Variants in ADORA2B observed in about 807,000 individuals in gnomAD.
ADORA2B encodes adenosine receptor A2b.
In ADORA2B, 18 loss-of-function variants were observed where a neutral mutation model predicts 20.8. The ratio of observed to expected loss-of-function variants is 0.87; its 90% CI spans 0.60 to 1.29. ADORA2B has a LOEUF of 1.29. Ranked by LOEUF, ADORA2B falls within the 50% of genes most tolerant of loss-of-function variation. The pLI, the probability that ADORA2B is intolerant of heterozygous loss-of-function variation, is 0.00. For synonymous variants in ADORA2B, 179 were observed against 178.3 expected (o/e 1.00, Z -0.03); for missense variants, 441 against 422.7 (o/e 1.04, Z -0.38).
the ADORA2B span, among the ~76,000 whole-genome samples, chr17:15,855,748 G>A: frequency 6.6e-6 from 1 of 152,018 alleles, no homozygotes; most frequent in African/African-American, 2.4e-5. Context: ...GTTACAATGG[G>A]TATATTGTGG....
intron 1 of ADORA2B, among the ~76,000 whole-genome samples, chr17:15,961,722 C>G (rs559893536): frequency 3.0e-4 from 45 of 152,328 alleles, no homozygotes; most frequent in African/African-American, 1.0e-3. Context: ...GCTGCATCAT[C>G]CCATGGCAGA....
At chr17:15,855,067 T>A in the ADORA2B span, among the ~76,000 whole-genome samples, 2 of 151,792 alleles carry the variant, frequency 1.3e-5, no homozygotes, top group Admixed American at 1.3e-4. Flanking sequence ...GTAGCTGGGA[T>A]TACAGGTCTG....
the ADORA2B span, among the ~76,000 whole-genome samples, chr17:15,865,382 C>T: frequency 4.0e-5 from 6 of 151,474 alleles, no homozygotes; most frequent in Admixed American, 2.6e-4. Context: ...CTGCCTCGAC[C>T]TCCGGAGTAG....
chr17:15,959,568 T>C (rs1239756931), intron 1 of ADORA2B, among the ~76,000 whole-genome samples: 2 of 148,690 alleles, frequency 1.3e-5, no homozygotes, highest in African/African-American at 5.0e-5. Flanking sequence ...TGGCGCGATC[T>C]GAGCTCACGG....
chr17:15,923,575 T>A, the ADORA2B span, among the ~76,000 whole-genome samples: 1 of 151,540 alleles, frequency 6.6e-6, no homozygotes, highest in African/African-American at 2.4e-5. Flanking sequence ...CGACTAATTT[T>A]TTTTGTATTT....
chr17:15,852,694 A>G, the ADORA2B span, among the ~76,000 whole-genome samples: 8 of 152,234 alleles, frequency 5.3e-5, no homozygotes, highest in Non-Finnish European at 8.8e-5. Context: ...TCCATTAGAA[A>G]TGTTGTAACT....
chr17:15,861,241 G>A, the ADORA2B span, among the ~76,000 whole-genome samples: 4 of 152,238 alleles, frequency 2.6e-5, no homozygotes, highest in African/African-American at 9.6e-5. Flanking sequence ...AAGTACTTGA[G>A]AGTTGTTAGT....
At chr17:15,875,547 C>T in the ADORA2B span, among the ~76,000 whole-genome samples, 5 of 152,148 alleles carry the variant, frequency 3.3e-5, no homozygotes, top group Admixed American at 1.3e-4. Context: ...CTTTTATTCA[C>T]CCTCCACTTA....
At position 15,957,096 on chromosome 17, in the gene ADORA2B, G is replaced by A. The variant is rs79814797; in HGVS notation, c.335+11513G>A. On this transcript the variant is annotated intron_variant, in intron 1 of 1. Transcript: ENST00000304222. The stretch of plus-strand genomic sequence containing the variant: ...TAGCCACTTGGCATCCAGATGAGAA[G>A]GAAAAAAGCATGACCAGGGCAGAGG... Among the ~76,000 whole-genome samples the A allele has an allele frequency of 3.3e-5, 5 of 152,284 alleles. No individual in the cohort carries two copies. The East Asian group carries it at 9.6e-4, about 29-fold the overall frequency.
the ADORA2B span, among the ~76,000 whole-genome samples, chr17:15,911,371 A>T: frequency 1.3e-5 from 2 of 152,170 alleles, no homozygotes; most frequent in African/African-American, 4.8e-5. Flanking sequence ...TTAAGCTGAA[A>T]TTACTCCAGG....
the ADORA2B span, among the ~76,000 whole-genome samples, chr17:15,901,726 G>T: frequency 1.3e-5 from 2 of 152,000 alleles, no homozygotes; most frequent in Non-Finnish European, 2.9e-5. Context: ...CCACCCTCTG[G>T]CTCCTAAAAC....
At position 15,975,287 on chromosome 17, in the gene ADORA2B, T is replaced by C; in HGVS notation, c.944T>C (p.Val315Ala). The change falls in exon 2 of 2, where the codon GTC becomes GCC. Residue 315 changes from valine to alanine, a missense_variant. Transcript: ENST00000304222. ...AGGTATCTTCTCTGCCAAGCAGATG[T>C]CAAGAGTGGGAATGGTCAGGCTGGG... Reference protein sequence around the residue: ...ISRYLLCQADVKSGNGQAGVQ... With the variant: ...ISRYLLCQADAKSGNGQAGVQ... 6.2e-7 allele frequency: 1 copy of C among 1,613,574 alleles called. No homozygotes were observed. Among genetic ancestry groups the C allele is most frequent in the Middle Eastern group, 1.6e-4 (1 of 6,062 alleles).
At chr17:15,896,179 A>G in the ADORA2B span, among the ~76,000 whole-genome samples, 3 of 152,216 alleles carry the variant, frequency 2.0e-5, no homozygotes. Context: ...CTTATAGTAC[A>G]CAATAGCTGC....
chr17:15,933,017 A>G, the ADORA2B span, among the ~76,000 whole-genome samples: 5 of 141,758 alleles, frequency 3.5e-5, no homozygotes, highest in Non-Finnish European at 6.0e-5. Flanking sequence ...GTGCAGTGGC[A>G]CCATCTCGGC....
chr17:15,894,422 G>C, the ADORA2B span, among the ~76,000 whole-genome samples: 1 of 152,180 alleles, frequency 6.6e-6, no homozygotes, highest in Non-Finnish European at 1.5e-5. Flanking sequence ...GCAGAGCCAG[G>C]GCGAAGGAGT....
chr17:15,867,970 G>A, the ADORA2B span, among the ~76,000 whole-genome samples: 7 of 151,498 alleles, frequency 4.6e-5, no homozygotes, highest in South Asian at 1.5e-3. Context: ...TCGGATGGTT[G>A]CCGTGTCTGT....
the ADORA2B span, among the ~76,000 whole-genome samples, chr17:15,908,170 C>G: frequency 1.3e-5 from 2 of 152,132 alleles, no homozygotes; most frequent in East Asian, 3.8e-4. Context: ...TCACTGCAGC[C>G]TCAACCTCCC....
chr17:15,867,629 C>T, the ADORA2B span, among the ~76,000 whole-genome samples: 3 of 149,470 alleles, frequency 2.0e-5, no homozygotes, highest in South Asian at 6.3e-4. Context: ...GCGGGGGGGT[C>T]AGCCCGCCGC....
At chr17:15,958,513 G>A (rs1969998095) in intron 1 of ADORA2B, among the ~76,000 whole-genome samples, 1 of 152,082 alleles carries the variant, frequency 6.6e-6, no homozygotes, top group African/African-American at 2.4e-5. Flanking sequence ...AGTGCTCCCA[G>A]TGCCTTAGGA....
Sources: allele counts gnomAD v4.1 joint callset (sites outside exome capture counted in the v4.1 genomes callset), GRCh38; gene constraint gnomAD v4.1.1; transcripts MANE v1.5; gene names NCBI Gene and HGNC (gene_info 2026-07-23, HGNC 2026-07-21).